Variants in FAF1 observed in about 807,000 individuals in gnomAD.
FAF1 encodes Fas associated factor 1.
A neutral mutation model predicts 92.5 loss-of-function variants in FAF1; 25 were observed. The ratio of observed to expected loss-of-function variants is 0.27; its 90% CI spans 0.20 to 0.38. FAF1 has a LOEUF of 0.38. FAF1 is among the 10% of genes least tolerant of loss of function. The pLI is 1.00. For missense variants in FAF1, 636 were observed against 793.3 expected (o/e 0.80, Z 2.38); for synonymous variants, 234 against 273.2 (o/e 0.86, Z 1.42).
chr1:50,537,534 CTG>C (rs1648549243), intron 14 of FAF1, among the ~76,000 whole-genome samples: 1 of 152,100 alleles, frequency 6.6e-6, no homozygotes, highest in Non-Finnish European at 1.5e-5. Flanking sequence ...TTAACATTTA[CTG>C]TGTTAGAAAT....
intron 1 of FAF1, among the ~76,000 whole-genome samples, chr1:50,945,919 C>G (rs1344234031): frequency 1.3e-5 from 2 of 152,166 alleles, no homozygotes; most frequent in African/African-American, 2.4e-5. Context: ...CTGAACAGCC[C>G]TAGAAGTCAA....
At chr1:50,748,317 G>A (rs1021493631) in intron 4 of FAF1, among the ~76,000 whole-genome samples, 4 of 151,556 alleles carry the variant, frequency 2.6e-5, no homozygotes, top group Admixed American at 2.6e-4. Context: ...CCAACATGGT[G>A]AAACCCTGTC....
chr1:50,617,302 T>C (rs1262138183), intron 8 of FAF1, among the ~76,000 whole-genome samples: 1 of 152,190 alleles, frequency 6.6e-6, no homozygotes, highest in African/African-American at 2.4e-5. Flanking sequence ...ATGGCTCTTA[T>C]TATTTTGAGA....
At chr1:50,573,090 G>T (rs1462217944) in intron 12 of FAF1, among the ~76,000 whole-genome samples, 2 of 151,710 alleles carry the variant, frequency 1.3e-5, no homozygotes, top group Non-Finnish European at 2.9e-5. Context: ...CTCTGTGACT[G>T]AAGCTGAATT....
At chr1:50,806,606 T>C (rs72902777) in intron 2 of FAF1, among the ~76,000 whole-genome samples, 10,101 of 152,232 alleles carry the variant, frequency 0.066, 412 homozygotes, top group East Asian at 0.094. Context: ...ACAAAGGGCA[T>C]TGGCTAGCAC....
chr1:50,866,723 T>C (rs572586049), intron 1 of FAF1, among the ~76,000 whole-genome samples: 2 of 152,272 alleles, frequency 1.3e-5, no homozygotes, highest in East Asian at 3.9e-4. Context: ...CCCATGATCA[T>C]GGATGGGTAG....
At chr1:50,494,143 G>A (rs892435246) in intron 15 of FAF1, among the ~76,000 whole-genome samples, 2 of 152,162 alleles carry the variant, frequency 1.3e-5, no homozygotes, top group Admixed American at 6.5e-5. Context: ...TTTGGTAGTT[G>A]TTGGTGAATG....
intron 17 of FAF1, among the ~76,000 whole-genome samples, chr1:50,487,376 T>C (rs1557965201): frequency 2.0e-5 from 3 of 152,224 alleles, no homozygotes; most frequent in Non-Finnish European, 4.4e-5. Context: ...AGATTATCTG[T>C]TGTCAACATG....
chr1:50,760,589 T>A (rs1417854563), intron 4 of FAF1, among the ~76,000 whole-genome samples: 1 of 152,132 alleles, frequency 6.6e-6, no homozygotes, highest in Non-Finnish European at 1.5e-5. Context: ...GAATGACTAC[T>A]GGGTACCTAA....
intron 7 of FAF1, among the ~76,000 whole-genome samples, chr1:50,676,407 TAA>T (rs553641377): frequency 3.7e-5 from 5 of 134,124 alleles, no homozygotes; most frequent in African/African-American, 2.7e-5. Context: ...AACTCTGTCT[TAA>T]AAAAAAAAAA....
chr1:50,624,797 T>C (rs1403577856), intron 8 of FAF1, among the ~76,000 whole-genome samples: 2 of 151,862 alleles, frequency 1.3e-5, no homozygotes, highest in Non-Finnish European at 2.9e-5. Flanking sequence ...CCAACTGTCA[T>C]AAGTAGATGT....
Position 50,935,670 on chromosome 1 carries a change from A to T in FAF1, c.45+24097T>A, listed in dbSNP as rs531298021. On this transcript the variant is annotated intron_variant, in intron 1 of 18. Coordinates refer to ENST00000396153, the MANE Select transcript of FAF1 (RefSeq NM_007051.3). The stretch of plus-strand genomic sequence containing the variant: ...GTATTTTTACTAGAGATGGGGTTTC[A>T]CCATGTTGGCCAGGCTGACTCGAAC... Among the ~76,000 whole-genome samples, 28 of 151,242 alleles carry T rather than the reference A, an allele frequency of 1.9e-4. No individual in the cohort carries two copies. In the South Asian group the frequency reaches 4.6e-3, roughly 25 times the overall value.
intron 15 of FAF1, among the ~76,000 whole-genome samples, chr1:50,512,687 C>T (rs557856520): frequency 2.3e-4 from 35 of 152,112 alleles, no homozygotes; most frequent in Non-Finnish European, 4.4e-4. Flanking sequence ...CAGCTCTGTT[C>T]TTTTTGCTTA....
chr1:50,606,338 C>T (rs1379819046), intron 8 of FAF1, among the ~76,000 whole-genome samples: 1 of 151,908 alleles, frequency 6.6e-6, no homozygotes, highest in Non-Finnish European at 1.5e-5. Context: ...CCAAATGATG[C>T]CGACCAATGT....
intron 1 of FAF1, among the ~76,000 whole-genome samples, chr1:50,902,226 C>T (rs1040985053): frequency 3.3e-5 from 5 of 152,098 alleles, no homozygotes; most frequent in Non-Finnish European, 5.9e-5. Flanking sequence ...AATTCTAATG[C>T]TTTTAATAGA....
chr1:50,737,046 G>A (rs1470050043), intron 6 of FAF1, among the ~76,000 whole-genome samples: 1 of 152,110 alleles, frequency 6.6e-6, no homozygotes, highest in Non-Finnish European at 1.5e-5. Flanking sequence ...ACATTAGCAG[G>A]AGTCTCCATT....
intron 15 of FAF1, among the ~76,000 whole-genome samples, chr1:50,533,869 C>G (rs951805969): frequency 1.3e-5 from 2 of 152,150 alleles, no homozygotes; most frequent in Non-Finnish European, 2.9e-5. Flanking sequence ...GAATGATCCA[C>G]GTAATAATGA....
intron 8 of FAF1, among the ~76,000 whole-genome samples, chr1:50,623,581 A>T (rs1348927695): frequency 6.6e-6 from 1 of 151,810 alleles, no homozygotes; most frequent in African/African-American, 2.4e-5. Flanking sequence ...TCTTGAAAAA[A>T]AAAAAAAGAA....
chr1:50,675,331 G>A (rs993876577), intron 7 of FAF1, among the ~76,000 whole-genome samples: 18 of 152,304 alleles, frequency 1.2e-4, no homozygotes, highest in East Asian at 1.9e-4. Flanking sequence ...AGCAGCAGTC[G>A]AAAATGCAAA....
Sources: gnomAD v4.1 joint callset for allele counts (sites outside exome capture counted in the v4.1 genomes callset) on GRCh38, gnomAD v4.1.1 for gene constraint, MANE v1.5 for transcripts, NCBI Gene and HGNC (gene_info 2026-07-23, HGNC 2026-07-21) for gene names.